Variants in TMEM266 observed in about 807,000 individuals in gnomAD.
The protein encoded by TMEM266 is Hv1 related protein 1.
In TMEM266, 33 loss-of-function variants were observed where a neutral mutation model predicts 50.5. The observed-to-expected ratio is 0.65, with a 90% CI of 0.50 to 0.87. The LOEUF is 0.87. Ranked by LOEUF, TMEM266 falls within the 40% of genes least tolerant of loss-of-function variation. The pLI is 0.00. For synonymous variants in TMEM266, 310 were observed against 292.3 expected, an observed-to-expected ratio of 1.06 and a Z score of -0.62; for missense variants, 655 against 695.1, an observed-to-expected ratio of 0.94 and a Z score of 0.65.
chr15:76,062,887 A>G (rs1300292422), intron 1 of TMEM266, among the ~76,000 whole-genome samples: 1 of 152,074 alleles, frequency 6.6e-6, no homozygotes, highest in East Asian at 1.9e-4. Context: ...AGTTTTTGGG[A>G]GAGTGGGGGA....
chr15:76,099,191 C>T (rs1250419790), intron 1 of TMEM266, among the ~76,000 whole-genome samples: 1 of 152,184 alleles, frequency 6.6e-6, no homozygotes, highest in Admixed American at 6.5e-5. Context: ...GTTTTGTGCT[C>T]GAAACCCAGG....
chr15:76,141,494 A>C (rs988270299), intron 3 of TMEM266, among the ~76,000 whole-genome samples: 1 of 152,042 alleles, frequency 6.6e-6, no homozygotes, highest in East Asian at 1.9e-4. Context: ...CTGCCTCTGC[A>C]TCCTAAAGTG....
intron 1 of TMEM266, among the ~76,000 whole-genome samples, chr15:76,107,071 A>G (rs930805328): frequency 6.6e-6 from 1 of 152,240 alleles, no homozygotes; most frequent in African/African-American, 2.4e-5. Context: ...TCCCACGGAA[A>G]TATAACATAA....
In TMEM266 at chr15:76,062,587, G is replaced by C. The variant is rs543307784; in HGVS notation, c.-97+2571G>C. 1.2e-4 allele frequency among the ~76,000 whole-genome samples: 19 copies of C among 152,296 alleles called. 1 individual carries two copies. The highest frequency in any genetic ancestry group is 4.6e-4 in the African/African-American group (19 of 41,554). ...AAGCAGAAAGCAAGAGGTGTTACTT[G>C]ATTTCTGGGGAGGAAATGAGTTTTC... On this transcript the variant is annotated intron_variant, in intron 1 of 10. Coordinates refer to ENST00000388942, the MANE Select transcript of TMEM266 (RefSeq NM_152335.3).
chr15:76,181,836 G>A (rs147933155), intron 8 of TMEM266, among the ~76,000 whole-genome samples: 1 of 152,124 alleles, frequency 6.6e-6, no homozygotes, highest in East Asian at 1.9e-4. Context: ...GTGGGATCTC[G>A]CTCTAGTTCC....
chr15:76,069,113 A>C (rs2036492679), intron 1 of TMEM266, among the ~76,000 whole-genome samples: 1 of 152,152 alleles, frequency 6.6e-6, no homozygotes, highest in Non-Finnish European at 1.5e-5. Flanking sequence ...TAGCAGAAAA[A>C]AGATAGTTTA....
intron 1 of TMEM266, among the ~76,000 whole-genome samples, chr15:76,079,828 C>T (rs1431715857): frequency 6.3e-5 from 8 of 126,660 alleles, no homozygotes; most frequent in African/African-American, 1.2e-4. Flanking sequence ...TGATTTAGGG[C>T]GGTGGGGGGG....
intron 8 of TMEM266, among the ~76,000 whole-genome samples, chr15:76,182,605 C>T (rs1316229916): frequency 6.6e-6 from 1 of 152,142 alleles, no homozygotes; most frequent in Non-Finnish European, 1.5e-5. Context: ...GATCATGCCA[C>T]TGCACTCCAG....
intron 3 of TMEM266, among the ~76,000 whole-genome samples, chr15:76,145,328 AGGAACCAGTGATTTCCACT>A (rs1007632077): frequency 7.2e-5 from 11 of 152,148 alleles, no homozygotes; most frequent in African/African-American, 2.4e-4. Context: ...CTGCTGCGAC[AGGAACCAGTGATTTCCACT>A]GGAAATGGTG....
Position 76,162,824 on chromosome 15 carries a change from G to A in TMEM266, c.456+2656G>A, listed in dbSNP as rs182203874. On this transcript the variant is annotated intron_variant, in intron 5 of 10. Coordinates refer to ENST00000388942, the MANE Select transcript of TMEM266 (RefSeq NM_152335.3). Reference sequence around the variant, plus strand: ...ACGACTGGCACCCCCTCCTCAGCTGGGAGAAATGAGTACCACGTCTTCAGG... The same window carrying A: ...ACGACTGGCACCCCCTCCTCAGCTGAGAGAAATGAGTACCACGTCTTCAGG... Among the ~76,000 whole-genome samples, 145 of 152,330 alleles carry A rather than the reference G, an allele frequency of 9.5e-4. 1 individual carries two copies. Among genetic ancestry groups the A allele is most frequent in the African/African-American group, 3.4e-3 (140 of 41,576 alleles).
At chr15:76,136,965 C>T (rs985044888) in intron 2 of TMEM266, among the ~76,000 whole-genome samples, 8 of 152,142 alleles carry the variant, frequency 5.3e-5, no homozygotes, top group South Asian at 2.1e-4. Context: ...CTGAGATGCC[C>T]GGGAATGCCA....
chr15:76,172,829 G>A (rs1454393266), intron 7 of TMEM266, among the ~76,000 whole-genome samples: 1 of 152,170 alleles, frequency 6.6e-6, no homozygotes, highest in Non-Finnish European at 1.5e-5. Context: ...TCTGCTCAGG[G>A]CCCTGTTCTT....
At chr15:76,186,164 C>T (rs942346073) in intron 8 of TMEM266, among the ~76,000 whole-genome samples, 4 of 152,178 alleles carry the variant, frequency 2.6e-5, no homozygotes, top group Non-Finnish European at 4.4e-5. Flanking sequence ...GGCTGTGGCC[C>T]CTGCTTTGCT....
intron 8 of TMEM266, among the ~76,000 whole-genome samples, chr15:76,179,691 T>A (rs1180368103): frequency 6.6e-6 from 1 of 152,256 alleles, no homozygotes; most frequent in Non-Finnish European, 1.5e-5. Context: ...GCTGTCTCCT[T>A]GCTGGAATTC....
At chr15:76,142,294 C>T (rs1206754948) in intron 3 of TMEM266, among the ~76,000 whole-genome samples, 1 of 152,194 alleles carries the variant, frequency 6.6e-6, no homozygotes, top group East Asian at 1.9e-4. Context: ...GAGGCTGAGG[C>T]AGGAGAATTA....
At chr15:76,170,503 G>T (rs1368363679) in intron 6 of TMEM266, among the ~76,000 whole-genome samples, 2 of 152,244 alleles carry the variant, frequency 1.3e-5, no homozygotes, top group Admixed American at 6.5e-5. Context: ...AGGGCCCAGG[G>T]CTTCATTGTG....
chr15:76,118,342 A>G (rs571228857), intron 1 of TMEM266, among the ~76,000 whole-genome samples: 4 of 152,196 alleles, frequency 2.6e-5, no homozygotes, highest in Non-Finnish European at 5.9e-5. Flanking sequence ...CAGGTGGATC[A>G]CTTGCAGTCA....
intron 3 of TMEM266, among the ~76,000 whole-genome samples, chr15:76,138,536 C>T (rs1406183032): frequency 6.6e-6 from 1 of 152,216 alleles, no homozygotes; most frequent in African/African-American, 2.4e-5. Context: ...TGCCCAAGGT[C>T]ACAGAGCCCA....
At position 76,078,229 on chromosome 15, in the gene TMEM266, CT is replaced by C. The variant is rs566602492; in HGVS notation, c.-97+18214del. On this transcript the variant is annotated intron_variant, in intron 1 of 10. Coordinates refer to ENST00000388942, the MANE Select transcript of TMEM266 (RefSeq NM_152335.3). ...CTTCCCCATGGCCCAGATGGATCCC[CT>C]CAAGGTGCCCTGCCTCTTTGCTTTG... Among the ~76,000 whole-genome samples the C allele has an allele frequency of 1.4e-3, 213 of 152,184 alleles. 5 individuals are homozygous for C. The highest frequency in any genetic ancestry group is 4.8e-3 in the African/African-American group (198 of 41,434).
Sources: allele counts gnomAD v4.1 joint callset (sites outside exome capture counted in the v4.1 genomes callset), GRCh38; gene constraint gnomAD v4.1.1; transcripts MANE v1.5; gene names NCBI Gene and HGNC (gene_info 2026-07-23, HGNC 2026-07-21).